Variants in COL11A1 observed in about 807,000 individuals in gnomAD.
COL11A1 encodes collagen type XI alpha 1 chain, also known as collagen alpha-1(XI) chain.
Under a neutral mutation model 265.2 loss-of-function variants are expected in COL11A1, and 74 were observed. The ratio of observed to expected loss-of-function variants is 0.28; its 90% CI spans 0.23 to 0.34. The LOEUF (loss-of-function observed/expected upper bound fraction) is 0.34. Ranked by LOEUF, COL11A1 falls within the 10% of genes least tolerant of loss-of-function variation. The pLI is 1.00. For synonymous variants in COL11A1, 816 were observed against 727.6 expected, an observed-to-expected ratio of 1.12 and a Z score of -1.96; for missense variants, 2,165 against 2,263.6, an observed-to-expected ratio of 0.96 and a Z score of 0.88.
intron 4 of COL11A1, among the ~76,000 whole-genome samples, chr1:103,069,506 T>C (rs1268197598): frequency 6.6e-6 from 1 of 151,778 alleles, no homozygotes; most frequent in Non-Finnish European, 1.5e-5. Flanking sequence ...AAAAGTTTCT[T>C]AGAACACAAA....
At chr1:103,087,482 T>C (rs1051198810) in intron 1 of COL11A1, among the ~76,000 whole-genome samples, 1 of 152,186 alleles carries the variant, frequency 6.6e-6, no homozygotes, top group Admixed American at 6.5e-5. Context: ...TCCTTGAATA[T>C]ACAACTTGGA....
At chr1:102,995,810 T>C in intron 28 of COL11A1, 54 bp downstream of exon 28, 2 of 1,410,342 alleles carry the variant, frequency 1.4e-6, no homozygotes, top group South Asian at 2.3e-5. Flanking sequence ...TGAATAAATT[T>C]AAATGTTAAC....
At chr1:103,097,898 T>A (rs2102402632) in intron 1 of COL11A1, among the ~76,000 whole-genome samples, 1 of 152,102 alleles carries the variant, frequency 6.6e-6, no homozygotes, top group African/African-American at 2.4e-5. Flanking sequence ...ACTTTTACAG[T>A]TATTGAACAG....
At chr1:102,951,416 C>T (rs1570839069) in intron 41 of COL11A1, among the ~76,000 whole-genome samples, 1 of 152,126 alleles carries the variant, frequency 6.6e-6, no homozygotes, top group South Asian at 2.1e-4. Context: ...TTAGGCGTCA[C>T]GCCGGGAGTG....
intron 54 of COL11A1, among the ~76,000 whole-genome samples, chr1:102,911,658 T>C (rs1246615648): frequency 6.6e-6 from 1 of 152,216 alleles, no homozygotes; most frequent in East Asian, 1.9e-4. Flanking sequence ...CCTATTTATT[T>C]ATATTTTGCT....
At chr1:102,985,330 T>C (rs1256203709) in intron 30 of COL11A1, among the ~76,000 whole-genome samples, 1 of 152,122 alleles carries the variant, frequency 6.6e-6, no homozygotes, top group Non-Finnish European at 1.5e-5. Context: ...GAACATGGTT[T>C]ATGACCTTGT....
intron 54 of COL11A1, among the ~76,000 whole-genome samples, chr1:102,900,377 G>A (rs1653031636): frequency 6.6e-6 from 1 of 152,030 alleles, no homozygotes; most frequent in South Asian, 2.1e-4. Flanking sequence ...TTAAAATGTT[G>A]AGCCAGAAAT....
chr1:103,075,627 C>CAAT (rs1419480805), intron 3 of COL11A1, among the ~76,000 whole-genome samples: 5 of 152,074 alleles, frequency 3.3e-5, no homozygotes, highest in Admixed American at 2.6e-4. Flanking sequence ...ATGTATAGTG[C>CAAT]TAACATAAAC....
intron 41 of COL11A1, among the ~76,000 whole-genome samples, chr1:102,953,323 G>A (rs1660074104): frequency 6.6e-6 from 1 of 151,986 alleles, no homozygotes; most frequent in African/African-American, 2.4e-5. Flanking sequence ...CCATAAATAA[G>A]TGTGTCAATT....
chr1:102,970,481 A>G lies in COL11A1; in HGVS notation c.2809-209T>C, dbSNP rs561213818. On this transcript the variant is annotated intron_variant, in intron 36 of 66. Coordinates refer to ENST00000370096, the MANE Select transcript of COL11A1 (RefSeq NM_001854.4). The stretch of plus-strand genomic sequence containing the variant: ...AGCTGAAACCAAAATAAAATAGTTG[A>G]ACTCTTTTCTGAATATTTTACATTT... 4.6e-5 allele frequency among the ~76,000 whole-genome samples: 7 copies of G among 152,300 alleles called. No homozygotes were observed. The East Asian group carries it at 1.3e-3, about 29-fold the overall frequency.
At chr1:102,901,260 C>A (rs1017547694) in intron 54 of COL11A1, among the ~76,000 whole-genome samples, 3 of 149,984 alleles carry the variant, frequency 2.0e-5, no homozygotes, top group Non-Finnish European at 4.4e-5. Context: ...GCAGAACTTG[C>A]AGTGAGCCGA....
chr1:103,024,575 G>T (rs1194925411), intron 7 of COL11A1, among the ~76,000 whole-genome samples: 2 of 151,996 alleles, frequency 1.3e-5, no homozygotes, highest in Non-Finnish European at 2.9e-5. Flanking sequence ...TAATATCTAT[G>T]GTGAGAATAT....
chr1:102,907,405 TA>T (rs1654113790), intron 54 of COL11A1, among the ~76,000 whole-genome samples: 1 of 152,098 alleles, frequency 6.6e-6, no homozygotes, highest in Admixed American at 6.6e-5. Flanking sequence ...GACTCAATAT[TA>T]TATTATTTTA....
At chr1:103,048,979 T>G (rs1282908691) in intron 4 of COL11A1, among the ~76,000 whole-genome samples, 1 of 152,208 alleles carries the variant, frequency 6.6e-6, no homozygotes, top group African/African-American at 2.4e-5. Flanking sequence ...TGGTATAATT[T>G]CTGTTCTTTT....
intron 62 of COL11A1, among the ~76,000 whole-genome samples, chr1:102,887,406 T>C (rs1483257740): frequency 6.6e-6 from 1 of 152,106 alleles, no homozygotes; most frequent in Non-Finnish European, 1.5e-5. Flanking sequence ...TTGTAAAGTC[T>C]CTGAGGATTA....
At chr1:102,899,995 C>T (rs1652983117) in intron 54 of COL11A1, among the ~76,000 whole-genome samples, 1 of 152,006 alleles carries the variant, frequency 6.6e-6, no homozygotes, top group Admixed American at 6.6e-5. Context: ...AAGGCCCAGA[C>T]TTCATCACAA....
intron 40 of COL11A1, 36 bp from the exon 41 acceptor site, chr1:102,961,955 A>G (rs778660115): frequency 6.3e-7 from 1 of 1,584,610 alleles, no homozygotes; most frequent in East Asian, 2.2e-5. Flanking sequence ...AAATGAATCC[A>G]TATGAATTGA....
intron 3 of COL11A1, among the ~76,000 whole-genome samples, chr1:103,077,564 A>T (rs1372954833): frequency 6.6e-6 from 1 of 152,080 alleles, no homozygotes; most frequent in Non-Finnish European, 1.5e-5. Context: ...GAGACTTGAG[A>T]GTTTCTCTGT....
chr1:103,096,168 A>G (rs958511464), intron 1 of COL11A1, among the ~76,000 whole-genome samples: 14 of 151,944 alleles, frequency 9.2e-5, no homozygotes, highest in African/African-American at 3.1e-4. Flanking sequence ...TTATGCTTTC[A>G]GACCACTGGG....
Sources: allele counts gnomAD v4.1 joint callset (sites outside exome capture counted in the v4.1 genomes callset), GRCh38; gene constraint gnomAD v4.1.1; transcripts MANE v1.5; gene names NCBI Gene and HGNC (gene_info 2026-07-23, HGNC 2026-07-21).